The following ANKRD11 variants were observed in gnomAD, a reference collection of about 807,000 sequenced individuals.
The protein encoded by ANKRD11 is ankyrin repeat domain-containing protein 11.
In ANKRD11, 17 loss-of-function variants were observed where a neutral mutation model predicts 195.7. The ratio of observed to expected loss-of-function variants is 0.09; its 90% confidence interval spans 0.06 to 0.13. ANKRD11 has a LOEUF of 0.13. Among genes scored for constraint, ANKRD11 ranks in the 10% least tolerant of loss-of-function variants. The pLI is 1.00. For synonymous variants in ANKRD11, 1,953 were observed against 1,528.1 expected (o/e 1.28, Z -6.49); for missense variants, 3,735 against 3,566.1 (o/e 1.05, Z -1.21).
intron 11 of ANKRD11, chr16:89,272,289 T>C (rs2033229184): frequency 6.6e-6 from 1 of 152,216 alleles, no homozygotes; most frequent in Non-Finnish European, 1.5e-5. Context: ...TCGTACCCCG[T>C]TGGTGGGAAT....
chr16:89,441,516 C>T (rs1347292140), intron 1 of ANKRD11, among the ~76,000 whole-genome samples: 9 of 151,820 alleles, frequency 5.9e-5, no homozygotes. Context: ...GCCTGTAATC[C>T]CAGCACTTTG....
At chr16:89,454,053 A>T (rs578066839) in intron 1 of ANKRD11, among the ~76,000 whole-genome samples, 73 of 152,310 alleles carry the variant, frequency 4.8e-4, no homozygotes, top group Non-Finnish European at 8.4e-4. Context: ...CATGTTTCAC[A>T]ATAATCCTTC....
chr16:89,301,064 A>G (rs2035825244), intron 4 of ANKRD11: 1 of 555,682 alleles, frequency 1.8e-6, no homozygotes, highest in Non-Finnish European at 3.2e-6. Flanking sequence ...GCAATGATGC[A>G]CAGCAACCTC....
intron 1 of ANKRD11, among the ~76,000 whole-genome samples, chr16:89,443,628 C>T (rs1399890496): frequency 1.3e-5 from 2 of 152,160 alleles, no homozygotes; most frequent in South Asian, 4.1e-4. Context: ...TAGGCAATAC[C>T]CTCCGCACCC....
chr16:89,476,033 T>C (rs1454998331), intron 1 of ANKRD11, among the ~76,000 whole-genome samples: 3 of 141,426 alleles, frequency 2.1e-5, no homozygotes, highest in South Asian at 4.4e-4. Context: ...GCCTGAGTGA[T>C]AGAGCGAGAC....
intron 3 of ANKRD11, among the ~76,000 whole-genome samples, chr16:89,314,365 A>C (rs1313679579): frequency 2.6e-5 from 4 of 152,202 alleles, no homozygotes; most frequent in Admixed American, 2.6e-4. Context: ...CTCACAGCAC[A>C]CGTGTGAACA....
At chr16:89,323,744 A>G in intron 2 of ANKRD11, 1 of 249,080 alleles carries the variant, frequency 4.0e-6, no homozygotes. Flanking sequence ...CAAGAGTCCA[A>G]CTCTCTCTCC....
At chr16:89,320,654 C>G (rs1359533095) in intron 2 of ANKRD11, among the ~76,000 whole-genome samples, 1 of 152,190 alleles carries the variant, frequency 6.6e-6, no homozygotes, top group Non-Finnish European at 1.5e-5. Flanking sequence ...CTGGCACACT[C>G]CCTGAAGCAG....
intron 7 of ANKRD11, chr16:89,287,502 C>T (rs2034728474): frequency 4.8e-6 from 1 of 208,820 alleles, no homozygotes. Flanking sequence ...CATCGGATGC[C>T]CCAGCCCCAT....
At chr16:89,342,344 T>C (rs2038730657) in intron 2 of ANKRD11, among the ~76,000 whole-genome samples, 1 of 152,240 alleles carries the variant, frequency 6.6e-6, no homozygotes, top group Non-Finnish European at 1.5e-5. Context: ...GCAGCCCATT[T>C]CACCTGAGAG....
chr16:89,403,399 G>A (rs1178477929), intron 2 of ANKRD11, among the ~76,000 whole-genome samples: 1 of 152,172 alleles, frequency 6.6e-6, no homozygotes, highest in Non-Finnish European at 1.5e-5. Context: ...AAGCAGCAGA[G>A]CACACGCAGG....
At chr16:89,456,643 A>T (rs1291854760) in intron 1 of ANKRD11, among the ~76,000 whole-genome samples, 1 of 152,196 alleles carries the variant, frequency 6.6e-6, no homozygotes, top group African/African-American at 2.4e-5. Flanking sequence ...TTCACAAGTA[A>T]ACAGGAATAC....
At chr16:89,363,156 A>T (rs2039803156) in intron 2 of ANKRD11, among the ~76,000 whole-genome samples, 1 of 152,218 alleles carries the variant, frequency 6.6e-6, no homozygotes, top group Non-Finnish European at 1.5e-5. Context: ...AGCTGGGAAC[A>T]CGCCTATCCC....
intron 1 of ANKRD11, among the ~76,000 whole-genome samples, chr16:89,477,681 A>G (rs1371197990): frequency 6.6e-6 from 1 of 150,760 alleles, no homozygotes; most frequent in Non-Finnish European, 1.5e-5. Flanking sequence ...AATAATAAAA[A>G]TATTGGAGAG....
intron 1 of ANKRD11, among the ~76,000 whole-genome samples, chr16:89,429,023 G>C (rs1471566990): frequency 6.6e-6 from 1 of 152,228 alleles, no homozygotes; most frequent in African/African-American, 2.4e-5. Context: ...GAATGTAAAT[G>C]GGGGTTGGGG....
chr16:89,463,085 C>T (rs1308227094), intron 1 of ANKRD11, among the ~76,000 whole-genome samples: 4 of 144,202 alleles, frequency 2.8e-5, no homozygotes, highest in East Asian at 2.2e-4. Flanking sequence ...AGCCGCCCCG[C>T]CCGGGAGGTG....
At chr16:89,334,687 C>G (rs1349899348) in intron 2 of ANKRD11, among the ~76,000 whole-genome samples, 1 of 152,138 alleles carries the variant, frequency 6.6e-6, no homozygotes. Flanking sequence ...GGAGCAACAT[C>G]CCAGGCACAC....
At chr16:89,462,181 C>A (rs2056701745) in intron 1 of ANKRD11, among the ~76,000 whole-genome samples, 1 of 152,206 alleles carries the variant, frequency 6.6e-6, no homozygotes, top group Non-Finnish European at 1.5e-5. Context: ...ACCCCCCTGC[C>A]TGATTCTCCT....
intron 2 of ANKRD11, among the ~76,000 whole-genome samples, chr16:89,359,959 C>T (rs574168039): frequency 4.6e-5 from 7 of 151,448 alleles, no homozygotes; most frequent in East Asian, 3.9e-4. Context: ...AAACACATGT[C>T]GGCAGTGGGC....
Sources: allele counts gnomAD v4.1 joint callset (sites outside exome capture counted in the v4.1 genomes callset), GRCh38; gene constraint gnomAD v4.1.1; transcripts MANE v1.5; gene names NCBI Gene and HGNC (gene_info 2026-07-23, HGNC 2026-07-21).